EBF1: variants seen among roughly 807,000 people sequenced by gnomAD.
EBF1 encodes the protein transcription factor COE1.
In EBF1, 10 loss-of-function variants were observed where a neutral mutation model predicts 68.4. The observed-to-expected ratio is 0.15, with a 90% confidence interval of 0.09 to 0.25. EBF1 has a LOEUF of 0.25. Among genes scored for constraint, EBF1 ranks in the 10% least tolerant of loss-of-function variants. EBF1 has a pLI of 1.00. For missense variants in EBF1, 509 were observed against 794.4 expected, an observed-to-expected ratio of 0.64 and a Z score of 4.32; for synonymous variants, 298 against 299.8, an observed-to-expected ratio of 0.99 and a Z score of 0.06.
chr5:159,027,674 T>C (rs916777303), intron 6 of EBF1, among the ~76,000 whole-genome samples: 4 of 152,304 alleles, frequency 2.6e-5, no homozygotes, highest in Non-Finnish European at 5.9e-5. Context: ...TTCTTTATCA[T>C]AGTCACTGCC....
chr5:159,020,236 T>C (rs571834694), intron 6 of EBF1, among the ~76,000 whole-genome samples: 1 of 152,294 alleles, frequency 6.6e-6, no homozygotes. Context: ...GATCAATTGA[T>C]GGGCTTCAGA....
At position 158,867,108 on chromosome 5, in the gene EBF1, T is replaced by C. The variant is rs1796061056; in HGVS notation, c.555-26998A>G. Among the ~76,000 whole-genome samples, 3 of 152,030 alleles carry C rather than the reference T, an allele frequency of 2.0e-5. No individual in the cohort carries two copies. The South Asian group carries it at 6.2e-4, about 32-fold the overall frequency. ...CCCATAAAAGTGGTCAATGTTAATT[T>C]CAAATTTGTTGTAAGTTCTGCTCTA... On this transcript the variant is annotated intron_variant, in intron 6 of 15. Transcript: ENST00000313708.
chr5:158,703,819 ACTTGTTCCTC>A (rs1023509730), intron 15 of EBF1, among the ~76,000 whole-genome samples: 7 of 152,010 alleles, frequency 4.6e-5, no homozygotes, highest in African/African-American at 1.7e-4. Context: ...CCTGAATCCC[ACTTGTTCCTC>A]CTTGAGCCTG....
chr5:158,952,428 T>C, intron 6 of EBF1, among the ~76,000 whole-genome samples: 1 of 152,216 alleles, frequency 6.6e-6, no homozygotes, highest in East Asian at 1.9e-4. Context: ...AAGGACTTTT[T>C]TTTTGTCCTC....
intron 6 of EBF1, among the ~76,000 whole-genome samples, chr5:158,888,357 G>T (rs999888135): frequency 3.9e-5 from 6 of 151,980 alleles, no homozygotes; most frequent in Non-Finnish European, 5.9e-5. Flanking sequence ...ACTGACTATG[G>T]CTAGCATGTA....
At chr5:158,970,183 C>T (rs928024494) in intron 6 of EBF1, among the ~76,000 whole-genome samples, 15 of 152,148 alleles carry the variant, frequency 9.9e-5, no homozygotes, top group Non-Finnish European at 1.9e-4. Context: ...TCACAGGAGA[C>T]TTGGAAATCA....
intron 6 of EBF1, among the ~76,000 whole-genome samples, chr5:159,022,288 C>G (rs548752943): frequency 6.6e-6 from 1 of 152,204 alleles, no homozygotes; most frequent in South Asian, 2.1e-4. Flanking sequence ...AGGAAATGTG[C>G]TCGGGGAGGC....
intron 6 of EBF1, among the ~76,000 whole-genome samples, chr5:158,932,517 T>C (rs1472230833): frequency 6.6e-6 from 1 of 152,210 alleles, no homozygotes; most frequent in African/African-American, 2.4e-5. Flanking sequence ...AAAGGCAATT[T>C]TAATGTTTAT....
intron 6 of EBF1, among the ~76,000 whole-genome samples, chr5:159,052,666 T>C (rs544236618): frequency 6.6e-6 from 1 of 152,272 alleles, no homozygotes; most frequent in East Asian, 1.9e-4. Context: ...TCCTTTACCA[T>C]GAGAATTTGG....
intron 6 of EBF1, among the ~76,000 whole-genome samples, chr5:159,006,306 T>G (rs1311836484): frequency 6.6e-6 from 1 of 151,954 alleles, no homozygotes; most frequent in East Asian, 1.9e-4. Flanking sequence ...AATAATTAAG[T>G]GATAATTTCC....
chr5:158,987,389 T>A (rs1422441997), intron 6 of EBF1, among the ~76,000 whole-genome samples: 1 of 152,224 alleles, frequency 6.6e-6, no homozygotes, highest in Non-Finnish European at 1.5e-5. Context: ...TGTTAAGCCC[T>A]CTAGCCTTCA....
intron 6 of EBF1, among the ~76,000 whole-genome samples, chr5:158,991,217 G>A (rs961754724): frequency 6.6e-6 from 1 of 152,098 alleles, no homozygotes; most frequent in Non-Finnish European, 1.5e-5. Flanking sequence ...ACAATGCCTG[G>A]CACATAGAAA....
intron 8 of EBF1, among the ~76,000 whole-genome samples, chr5:158,804,483 C>T (rs1197464902): frequency 1.3e-5 from 2 of 152,084 alleles, no homozygotes; most frequent in Non-Finnish European, 2.9e-5. Context: ...AGGGCAAGCG[C>T]TTTTGGATTC....
At chr5:158,880,007 T>C (rs553408069) in intron 6 of EBF1, among the ~76,000 whole-genome samples, 1 of 152,250 alleles carries the variant, frequency 6.6e-6, no homozygotes, top group African/African-American at 2.4e-5. Context: ...GCAGATGGGT[T>C]AAAGGACTAG....
chr5:158,974,808 C>T (rs910907587), intron 6 of EBF1, among the ~76,000 whole-genome samples: 4 of 152,144 alleles, frequency 2.6e-5, no homozygotes, highest in Non-Finnish European at 1.5e-5. Flanking sequence ...AAGCTATTAA[C>T]ATTTATTGTC....
At chr5:158,748,581 C>G (rs1209262462) in intron 10 of EBF1, among the ~76,000 whole-genome samples, 4 of 152,116 alleles carry the variant, frequency 2.6e-5, no homozygotes, top group Non-Finnish European at 5.9e-5. Flanking sequence ...GGCTGGCATT[C>G]TCAGGGCTGT....
chr5:158,962,232 A>C (rs923947945), intron 6 of EBF1, among the ~76,000 whole-genome samples: 1 of 152,176 alleles, frequency 6.6e-6, no homozygotes, highest in Non-Finnish European at 1.5e-5. Flanking sequence ...TTGAAAATAA[A>C]ATAGGCATCT....
chr5:159,097,274 C>A, intron 1 of EBF1, 144 bp from the exon 2 acceptor site: 1 of 901,524 alleles, frequency 1.1e-6, no homozygotes, highest in Non-Finnish European at 1.6e-6. Context: ...CCCCTTCAGG[C>A]GACATAGACC....
chr5:158,827,345 A>G (rs1383283290), intron 7 of EBF1, among the ~76,000 whole-genome samples: 1 of 152,330 alleles, frequency 6.6e-6, no homozygotes, highest in African/African-American at 2.4e-5. Context: ...CTAGTAACAC[A>G]TTATTACACA....
Sources: allele counts gnomAD v4.1 joint callset (sites outside exome capture counted in the v4.1 genomes callset), GRCh38; gene constraint gnomAD v4.1.1; transcripts MANE v1.5; gene names NCBI Gene and HGNC (gene_info 2026-07-23, HGNC 2026-07-21).